Variants in GLE1 observed in about 807,000 individuals in gnomAD.
The protein encoded by GLE1 is mRNA export factor GLE1.
A neutral mutation model predicts 97.3 loss-of-function variants in GLE1; 78 were observed. The observed-to-expected ratio is 0.80, with a 90% CI of 0.67 to 0.97. The LOEUF is 0.97. Ranked by LOEUF, GLE1 falls within the 50% of genes least tolerant of loss-of-function variation. The pLI, the probability that GLE1 is intolerant of heterozygous loss-of-function variation, is 0.00. For missense variants in GLE1, 753 were observed against 857.5 expected, an observed-to-expected ratio of 0.88 and a Z score of 1.52; for synonymous variants, 302 against 313.4, an observed-to-expected ratio of 0.96 and a Z score of 0.39.
intron 2 of GLE1, among the ~76,000 whole-genome samples, chr9:128,512,809 G>A (rs1340770691): frequency 6.6e-6 from 1 of 152,026 alleles, no homozygotes; most frequent in African/African-American, 2.4e-5. Flanking sequence ...ACAGGCACGC[G>A]CCACCATGCC....
At chr9:128,538,410 C>A (rs1030347337) in intron 13 of GLE1, among the ~76,000 whole-genome samples, 2 of 152,190 alleles carry the variant, frequency 1.3e-5, no homozygotes, top group South Asian at 4.1e-4. Flanking sequence ...CACCTGTAAT[C>A]CCAGCACTTT....
chr9:128,510,476 C>G (rs1161683681), intron 2 of GLE1, among the ~76,000 whole-genome samples: 1 of 151,258 alleles, frequency 6.6e-6, no homozygotes, highest in African/African-American at 2.4e-5. Flanking sequence ...ATCTGCCCAC[C>G]TCGGCCTCCC....
chr9:128,531,674 A>G (rs1309057571), intron 9 of GLE1, among the ~76,000 whole-genome samples: 1 of 151,878 alleles, frequency 6.6e-6, no homozygotes, highest in Non-Finnish European at 1.5e-5. Context: ...TCTACTAAAA[A>G]TACAAAAATT....
At chr9:128,524,992 A>G (rs543208387) in intron 6 of GLE1, among the ~76,000 whole-genome samples, 200 bp from the exon 7 acceptor site, 1 of 152,302 alleles carries the variant, frequency 6.6e-6, no homozygotes, top group Admixed American at 6.5e-5. Context: ...ATACAGACCA[A>G]TTTATACTTA....
At position 128,508,998 on chromosome 9, in the gene GLE1, GTCAGCT is replaced by G; in HGVS notation, c.228_233del (p.Ser77_Ala78del). On this transcript the variant is annotated inframe_deletion, in exon 2 of 16. Coordinates refer to ENST00000309971, the MANE Select transcript of GLE1 (RefSeq NM_001003722.2). ...TGTCTGAGACTTCGCCATCCTCTAC[GTCAGCT>G]TCAGCCCTAGATCAACCCTCATTTG... 6.2e-7 allele frequency: 1 copy of G among 1,613,032 alleles called. No homozygotes were observed. Among genetic ancestry groups the G allele is most frequent in the Non-Finnish European group, 8.5e-7 (1 of 1,179,068 alleles).
intron 11 of GLE1, among the ~76,000 whole-genome samples, chr9:128,535,008 C>T (rs1490955252): frequency 1.3e-5 from 2 of 151,862 alleles, no homozygotes; most frequent in African/African-American, 4.8e-5. Context: ...TGAGCCACCA[C>T]GCCCGGCCTG....
At position 128,538,106 on chromosome 9, in the gene GLE1, A is replaced by G; in HGVS notation, c.1881+16A>G. Reference sequence around the variant, plus strand: ...CTTCCTGGAGGTACGTAACTCAGTTATCACACAAGAGAAGGCCAGTGGTTG... The same window carrying G: ...CTTCCTGGAGGTACGTAACTCAGTTGTCACACAAGAGAAGGCCAGTGGTTG... On this transcript the variant is annotated intron_variant, in intron 13 of 15. Transcript: ENST00000309971. 7.3e-7 allele frequency: 1 copy of G among 1,377,754 alleles called. No individual in the cohort carries two copies. The highest frequency in any genetic ancestry group is 1.0e-6 in the Non-Finnish European group (1 of 965,190). 85.3% of individuals were successfully genotyped at this position (1,377,754 alleles called of 1,614,324 possible). A position where few individuals can be genotyped will look rare whatever the true frequency, so the allele number is the denominator to read the frequency against.
chr9:128,527,381 G>T (rs1300532950), intron 8 of GLE1, 75 bp from the exon 9 acceptor site: 2 of 1,301,512 alleles, frequency 1.5e-6, no homozygotes, highest in African/African-American at 1.4e-5. Context: ...TAGCTGGCAT[G>T]TCACTTTACC....
At chr9:128,513,164 C>G (rs893409863) in intron 2 of GLE1, among the ~76,000 whole-genome samples, 3 of 151,978 alleles carry the variant, frequency 2.0e-5, no homozygotes, top group African/African-American at 4.8e-5. Context: ...TCACCTAGAT[C>G]TAGGAACATC....
chr9:128,523,704 A>C lies in GLE1; in HGVS notation c.755A>C (p.Gln252Pro). The C allele has an allele frequency of 6.2e-7, 1 of 1,614,120 alleles. No individual in the cohort carries two copies. The change falls in exon 6 of 16, where the codon CAG (glutamine) becomes CCG (proline). Residue 252 changes from glutamine (Q) to proline (P), a missense_variant. Coordinates refer to ENST00000309971, the MANE Select transcript of GLE1 (RefSeq NM_001003722.2). ...QIRLRALYAL[Q>P]EEMLQLSQQL... is the part of the protein sequence containing the mutation. ...CGCCTGCGGGCCCTCTATGCTCTGC[A>C]GGAGGAGATGCTGCAGCTCAGCCAG...
chr9:128,514,778 A>T (rs1846930960), intron 2 of GLE1, among the ~76,000 whole-genome samples: 1 of 152,086 alleles, frequency 6.6e-6, no homozygotes, highest in East Asian at 1.9e-4. Context: ...TGACCTTGTA[A>T]TCCGCCCACC....
At chr9:128,530,804 G>T (rs147943180) in intron 9 of GLE1, among the ~76,000 whole-genome samples, 2,382 of 151,672 alleles carry the variant, frequency 0.016, 23 homozygotes, top group Non-Finnish European at 0.025. Context: ...AGCTACTCCG[G>T]AGGCTGAGGC....
At chr9:128,529,476 T>C (rs1195083376) in intron 9 of GLE1, among the ~76,000 whole-genome samples, 1 of 152,216 alleles carries the variant, frequency 6.6e-6, no homozygotes, top group East Asian at 1.9e-4. Context: ...TACTCCTTTT[T>C]ATAGGCTCCT....
intron 11 of GLE1, 144 bp downstream of exon 11, chr9:128,534,095 C>T (rs1847617492): frequency 4.2e-6 from 3 of 720,618 alleles, no homozygotes; most frequent in Non-Finnish European, 7.4e-6. Context: ...CGGCCGGGTG[C>T]AGTGGCTCAT....
intron 9 of GLE1, among the ~76,000 whole-genome samples, chr9:128,529,766 G>A (rs1462016828): frequency 6.6e-6 from 1 of 150,648 alleles, no homozygotes; most frequent in African/African-American, 2.4e-5. Flanking sequence ...CTAATTGTAG[G>A]TGATTCCTAG....
At chr9:128,522,599 T>G in intron 3 of GLE1, 69 bp from the exon 4 acceptor site, 1 of 1,490,988 alleles carries the variant, frequency 6.7e-7, no homozygotes, top group Non-Finnish European at 8.9e-7. Context: ...TGCAGTGAGC[T>G]GCACTCCAGC....
chr9:128,525,205 C>T lies in GLE1; in HGVS notation c.911C>T (p.Thr304Ile). ...TCACTCTGACAGAGCAGCTATCCCA[C>T]AGCAGAGAGTCAAGCTGAGGCTGAG... ...IRASSESSYPTAESQAEAERA... is the reference protein window; with the variant it reads ...IRASSESSYPIAESQAEAERA... The change falls in exon 7 of 16, where the codon ACA (threonine) becomes ATA (isoleucine). Residue 304 changes from threonine to isoleucine, a missense_variant. By Grantham distance (89) the Thr-to-Ile change is moderately conservative. Transcript: ENST00000309971. 2.5e-6 allele frequency: 4 copies of T among 1,613,772 alleles called. No homozygotes were observed. The highest frequency in any genetic ancestry group is 3.4e-6 in the Non-Finnish European group (4 of 1,179,690).
At chr9:128,538,730 C>CT (rs1033037609) in intron 13 of GLE1, among the ~76,000 whole-genome samples, 2 of 152,026 alleles carry the variant, frequency 1.3e-5, no homozygotes, top group African/African-American at 4.8e-5. Context: ...GGATCTCACT[C>CT]TGTCAGCCAG....
At chr9:128,540,429 T>C in intron 15 of GLE1, 91 bp downstream of exon 15, 1 of 813,408 alleles carries the variant, frequency 1.2e-6, no homozygotes, top group Non-Finnish European at 2.2e-6. Context: ...GATGCTCTGA[T>C]TGCACTCTCT....
Sources: gnomAD v4.1 joint callset for allele counts (sites outside exome capture counted in the v4.1 genomes callset) on GRCh38, gnomAD v4.1.1 for gene constraint, MANE v1.5 for transcripts, NCBI Gene and HGNC (gene_info 2026-07-23, HGNC 2026-07-21) for gene names.